RAB40C: variants seen among roughly 807,000 people sequenced by gnomAD.
RAB40C encodes the protein ras-related protein Rab-40C.
Under a neutral mutation model 28.1 loss-of-function variants are expected in RAB40C, and 8 were observed. The observed-to-expected ratio is 0.28, with a 90% CI of 0.17 to 0.51. RAB40C has a LOEUF of 0.51. Ranked by LOEUF, RAB40C falls within the 20% of genes least tolerant of loss-of-function variation. The probability of loss-of-function intolerance (pLI) is 0.97; values close to 1 mark genes in which losing one functional copy is unlikely to be tolerated. For missense variants in RAB40C, 288 were observed against 405.9 expected, an observed-to-expected ratio of 0.71 and a Z score of 2.50; for synonymous variants, 201 against 171.7, an observed-to-expected ratio of 1.17 and a Z score of -1.34.
In RAB40C at chr16:590,226, T is replaced by C; in HGVS notation, c.-66T>C. 3 of 1,235,874 alleles carry C rather than the reference T, an allele frequency of 2.4e-6. No individual in the cohort carries two copies. The highest frequency in any genetic ancestry group is 3.1e-6 in the Non-Finnish European group (3 of 977,794). 76.6% of individuals were successfully genotyped at this position (1,235,874 alleles called of 1,614,324 possible). ...GCGCAGGTGCGGGGCGCGGGCTCTC[T>C]CACGCCGCGGCCTCACCCGGCGGTG... is the stretch of plus-strand genomic sequence containing the variant. On this transcript the variant is annotated 5_prime_UTR_variant, in exon 1 of 6. Transcript: ENST00000248139.
chr16:606,170 A>G (rs1208336099), intron 1 of RAB40C, among the ~76,000 whole-genome samples: 1,871 of 93,684 alleles, frequency 0.02, no homozygotes, highest in Middle Eastern at 0.076. Flanking sequence ...TGGCTGACAC[A>G]CAGTCCTCTC....
chr16:605,490 C>T (rs1257268790), intron 1 of RAB40C, among the ~76,000 whole-genome samples: 2 of 152,236 alleles, frequency 1.3e-5, no homozygotes, highest in South Asian at 2.1e-4. Context: ...CACTCTGCCC[C>T]CGGCCTGGCA....
intron 3 of RAB40C, chr16:625,113 C>T (rs1394125633): frequency 1.5e-6 from 2 of 1,327,636 alleles, no homozygotes. Flanking sequence ...GCTGCACGTC[C>T]CCCGGCTGCC....
At chr16:611,439 A>C (rs7198877) in intron 1 of RAB40C, among the ~76,000 whole-genome samples, 4 of 152,034 alleles carry the variant, frequency 2.6e-5, no homozygotes, top group African/African-American at 9.7e-5. Flanking sequence ...GGTCAGCCTC[A>C]TGGGGGCTTC....
rs193128788 is a variant in RAB40C at position 613,830 on chromosome 16, C to T, written c.143-3378C>T. Among the ~76,000 whole-genome samples the T allele has an allele frequency of 1.5e-3, 229 of 152,154 alleles. 2 individuals carry two copies. Among genetic ancestry groups the T allele is most frequent in the Admixed American group, 0.012 (180 of 15,260 alleles). ...TTGGGGCCTTGGTGGGGGTCGTGGG[C>T]AGCACCCAGGTCTAGACTTGGGTGA... On this transcript the variant is annotated intron_variant, in intron 1 of 5. Transcript: ENST00000248139.
Position 610,172 on chromosome 16 carries a change from G to C in RAB40C, c.143-7036G>C, listed in dbSNP as rs1478814027. Among the ~76,000 whole-genome samples, 3 of 152,284 alleles carry C rather than the reference G, an allele frequency of 2.0e-5. No individual in the cohort carries two copies. Among genetic ancestry groups the C allele is most frequent in the East Asian group, 3.9e-4 (2 of 5,180 alleles). On this transcript the variant is annotated intron_variant, in intron 1 of 5. Transcript: ENST00000248139. This position sits in a 1 kb window ranked among gnomAD's most constrained non-coding sequence, Gnocchi z 4.6. ...GACAGAACCAGCAGCCGAGGCGCCG[G>C]TGGCTTTGCTCTGGTGGCAGGACAG...
At chr16:618,930 G>T (rs56053470) in intron 3 of RAB40C, among the ~76,000 whole-genome samples, 130 of 80,264 alleles carry the variant, frequency 1.6e-3, no homozygotes, top group African/African-American at 7.3e-3. Context: ...CTGTGTGTGT[G>T]CACAGGTGTA....
intron 3 of RAB40C, among the ~76,000 whole-genome samples, chr16:620,716 TCCCAGCCCCCCGCCGACGGGCTCCACCGC>T: frequency 1.6e-5 from 1 of 62,164 alleles, no homozygotes; most frequent in South Asian, 9.1e-4. Context: ...ACCGCGGGCA[TCCCAGCCCCCCGCCGACGGGCTCCACCGC>T]GGGCATCCCA....
At chr16:625,225 C>G (rs1056714814) in intron 3 of RAB40C, 1 of 1,437,568 alleles carries the variant, frequency 7.0e-7, no homozygotes, top group African/African-American at 1.4e-5. Flanking sequence ...GCCCACCCCC[C>G]TGCTGCAGTC....
chr16:627,319 C>A, intron 5 of RAB40C, 23 bp from the exon 6 acceptor site: 1 of 1,603,962 alleles, frequency 6.2e-7, no homozygotes, highest in South Asian at 1.1e-5. Context: ...GCCCCATGGT[C>A]TGACACCCCC....
chr16:604,788 G>A (rs1051975940), intron 1 of RAB40C, among the ~76,000 whole-genome samples: 8 of 152,186 alleles, frequency 5.3e-5, no homozygotes, highest in Non-Finnish European at 1.2e-4. Context: ...GGCTGGGTGT[G>A]GTGGCTCATG....
rs756326259 is a variant in RAB40C, at chr16:610,143, G to A, written c.143-7065G>A. ...CTGGTGGGGAAGCGGCACCCTGTGC[G>A]GTAGACAGAACCAGCAGCCGAGGCG... On this transcript the variant is annotated intron_variant, in intron 1 of 5. Coordinates refer to ENST00000248139, the MANE Select transcript of RAB40C (RefSeq NM_021168.5). This position sits in a 1 kb window ranked among gnomAD's most constrained non-coding sequence, Gnocchi z 4.6. 6.6e-6 allele frequency among the ~76,000 whole-genome samples: 1 copy of A among 152,136 alleles called. No individual in the cohort carries two copies. Among genetic ancestry groups the A allele is most frequent in the African/African-American group, 2.4e-5 (1 of 41,436 alleles).
intron 3 of RAB40C, chr16:624,307 C>G (rs1311116825): frequency 1.0e-6 from 1 of 985,346 alleles, no homozygotes; most frequent in African/African-American, 1.7e-5. Flanking sequence ...GCCCCAGTCC[C>G]TGTGCCCCAA....
At chr16:598,814 A>G (rs1370437848) in intron 1 of RAB40C, among the ~76,000 whole-genome samples, 3 of 152,202 alleles carry the variant, frequency 2.0e-5, no homozygotes, top group Admixed American at 2.0e-4. Flanking sequence ...GGTACTTTAC[A>G]GTTTGTACAG....
intron 5 of RAB40C, among the ~76,000 whole-genome samples, chr16:626,421 C>T (rs1218813616): frequency 6.6e-6 from 1 of 152,148 alleles, no homozygotes; most frequent in East Asian, 1.9e-4. Flanking sequence ...TGTGTGCTCG[C>T]TCCTTCCTGG....
intron 1 of RAB40C, among the ~76,000 whole-genome samples, chr16:614,225 C>T (rs916618764): frequency 4.0e-5 from 6 of 149,454 alleles, no homozygotes; most frequent in East Asian, 2.0e-4. Flanking sequence ...TGCCGCATCC[C>T]GATGGTGAAC....
intron 1 of RAB40C, among the ~76,000 whole-genome samples, chr16:595,296 C>T (rs1467643733): frequency 6.6e-6 from 1 of 152,248 alleles, no homozygotes; most frequent in Non-Finnish European, 1.5e-5. Flanking sequence ...ACCACCCCCA[C>T]TGTGCAGACG....
At chr16:622,366 C>T (rs1169565986) in intron 3 of RAB40C, among the ~76,000 whole-genome samples, 2 of 152,196 alleles carry the variant, frequency 1.3e-5, no homozygotes, top group East Asian at 3.9e-4. Context: ...TGCCTCCACC[C>T]CCTTGACCCC....
At chr16:625,593 C>T in intron 4 of RAB40C, 84 bp downstream of exon 4, 1 of 1,383,712 alleles carries the variant, frequency 7.2e-7, no homozygotes, top group Non-Finnish European at 1.0e-6. Context: ...GGATTCCCGC[C>T]TGCCGCCCCT....
Sources: gnomAD v4.1 joint callset for allele counts (sites outside exome capture counted in the v4.1 genomes callset) on GRCh38, gnomAD v4.1.1 for gene constraint, Gnocchi (gnomAD v3.1) non-coding constraint, MANE v1.5 for transcripts, NCBI Gene and HGNC (gene_info 2026-07-23, HGNC 2026-07-21) for gene names.